FAM107B: variants seen among roughly 807,000 people sequenced by gnomAD.
FAM107B encodes the protein protein FAM107B.
A neutral mutation model predicts 31.5 loss-of-function variants in FAM107B; 21 were observed. The observed-to-expected ratio is 0.67, with a 90% CI of 0.47 to 0.96. The LOEUF is 0.96. Among genes scored for constraint, FAM107B ranks in the 40% least tolerant of loss-of-function variants. The pLI is 0.00. For missense variants in FAM107B, 452 were observed against 377.1 expected (o/e 1.20, Z -1.64); for synonymous variants, 157 against 141.5 (o/e 1.11, Z -0.78).
intron 1 of FAM107B, among the ~76,000 whole-genome samples, chr10:14,680,097 AAC>A (rs994059000): frequency 1.3e-4 from 20 of 152,302 alleles, no homozygotes; most frequent in African/African-American, 4.8e-4. Context: ...AACCCTGACT[AAC>A]ACAGATTTCG....
At chr10:14,687,259 G>A (rs998138862) in intron 1 of FAM107B, among the ~76,000 whole-genome samples, 1 of 152,144 alleles carries the variant, frequency 6.6e-6, no homozygotes, top group Non-Finnish European at 1.5e-5. Flanking sequence ...ACTTCCCCGG[G>A]CTTCATTTTC....
At chr10:14,527,995 TTTTC>T (rs1349404522) in intron 3 of FAM107B, 1 of 357,984 alleles carries the variant, frequency 2.8e-6, no homozygotes. Flanking sequence ...GAAATCTGCC[TTTTC>T]TTTTTTTTTT....
At chr10:14,595,305 C>T (rs985030250) in intron 2 of FAM107B, among the ~76,000 whole-genome samples, 8 of 151,976 alleles carry the variant, frequency 5.3e-5, no homozygotes, top group South Asian at 4.1e-4. Flanking sequence ...GTATCAATCT[C>T]GCAATGAGAG....
At chr10:14,773,319 G>C (rs1330937029) in intron 1 of FAM107B, among the ~76,000 whole-genome samples, 2 of 152,190 alleles carry the variant, frequency 1.3e-5, no homozygotes, top group Non-Finnish European at 2.9e-5. Flanking sequence ...ATTCTGTGAA[G>C]CAAGCCAGAC....
rs11812660 is a variant in FAM107B, at chr10:14,534,500, T to G, written c.470-3985A>C. On this transcript the variant is annotated intron_variant, in intron 2 of 4. Coordinates refer to ENST00000181796, the MANE Select transcript of FAM107B (RefSeq NM_031453.4). ...AAATACAACTCTGGTATAAGGCAAC[T>G]CTTGCGTCTCACAAATCCTATCTTC... 7.8e-3 allele frequency among the ~76,000 whole-genome samples: 1,185 copies of G among 152,260 alleles called. 16 individuals are homozygous for G. The highest frequency in any genetic ancestry group is 0.027 in the African/African-American group (1,104 of 41,544).
chr10:14,604,360 G>C (rs1354975385), intron 2 of FAM107B: 1 of 572,404 alleles, frequency 1.7e-6, no homozygotes, highest in Non-Finnish European at 2.2e-6. Context: ...CTCCGGGGGC[G>C]GCGGCCCGGC....
At chr10:14,582,375 C>CTTTTTTT (rs71388188) in intron 2 of FAM107B, among the ~76,000 whole-genome samples, 2,155 of 111,736 alleles carry the variant, frequency 0.019, 10 homozygotes, top group Non-Finnish European at 0.025. Flanking sequence ...TTTTTCTTTT[C>CTTTTTTT]TTTTTTTTTT....
intron 1 of FAM107B, among the ~76,000 whole-genome samples, chr10:14,760,882 C>T (rs78430076): frequency 2.3e-3 from 344 of 151,938 alleles, no homozygotes; most frequent in African/African-American, 8.0e-3. Context: ...CATGGTGGCA[C>T]ATGCTTGTAA....
At chr10:14,712,673 G>C (rs1305983599) in intron 1 of FAM107B, among the ~76,000 whole-genome samples, 1 of 151,934 alleles carries the variant, frequency 6.6e-6, no homozygotes, top group Non-Finnish European at 1.5e-5. Flanking sequence ...GAGCTTTGAT[G>C]CAGTAATTCT....
chr10:14,677,607 C>T (rs568522770), intron 1 of FAM107B, among the ~76,000 whole-genome samples: 61 of 151,506 alleles, frequency 4.0e-4, no homozygotes, highest in African/African-American at 1.3e-3. Flanking sequence ...GGCGACAGAG[C>T]GAGACTCCGT....
chr10:14,674,708 C>T (rs1239679541), intron 1 of FAM107B, among the ~76,000 whole-genome samples: 2 of 152,158 alleles, frequency 1.3e-5, no homozygotes, highest in African/African-American at 4.8e-5. Flanking sequence ...TTTGTAAACT[C>T]CTTCCAAGGG....
intron 1 of FAM107B, among the ~76,000 whole-genome samples, chr10:14,729,695 C>A (rs1022414846): frequency 6.6e-6 from 1 of 152,094 alleles, no homozygotes; most frequent in Admixed American, 6.5e-5. Context: ...TGGGTATATA[C>A]CCAAAAGATT....
intron 2 of FAM107B, among the ~76,000 whole-genome samples, chr10:14,637,246 G>A (rs1853523558): frequency 1.3e-5 from 2 of 152,074 alleles, no homozygotes; most frequent in South Asian, 4.1e-4. Context: ...TCTGATTTTT[G>A]GGGTGGCCCC....
intron 1 of FAM107B, among the ~76,000 whole-genome samples, chr10:14,729,436 G>A (rs1432724285): frequency 6.6e-6 from 1 of 152,218 alleles, no homozygotes; most frequent in Non-Finnish European, 1.5e-5. Context: ...GTCCTGGGCA[G>A]TGGGAATGCT....
At chr10:14,641,952 T>C (rs1853639159) in intron 2 of FAM107B, among the ~76,000 whole-genome samples, 1 of 152,210 alleles carries the variant, frequency 6.6e-6, no homozygotes, top group African/African-American at 2.4e-5. Context: ...TTAAATATCA[T>C]CTAAATCAGA....
intron 2 of FAM107B, among the ~76,000 whole-genome samples, chr10:14,578,939 C>G (rs1851547536): frequency 6.6e-6 from 1 of 152,108 alleles, no homozygotes. Context: ...TGTTTTCGTT[C>G]AAACGCAAGC....
intron 2 of FAM107B, among the ~76,000 whole-genome samples, chr10:14,579,167 T>G (rs930528750): frequency 6.6e-6 from 1 of 152,216 alleles, no homozygotes; most frequent in Non-Finnish European, 1.5e-5. Flanking sequence ...CTGAAATAAT[T>G]ACCAATTTGA....
chr10:14,596,912 G>A (rs1852206489), intron 2 of FAM107B, among the ~76,000 whole-genome samples: 1 of 152,190 alleles, frequency 6.6e-6, no homozygotes, highest in Admixed American at 6.5e-5. Flanking sequence ...GTAGGTGAGT[G>A]TGACTATTTC....
intron 2 of FAM107B, among the ~76,000 whole-genome samples, chr10:14,594,243 G>A (rs1018572701): frequency 6.6e-6 from 1 of 152,100 alleles, no homozygotes; most frequent in African/African-American, 2.4e-5. Flanking sequence ...AGCCAGGCAC[G>A]GTGGCTCACA....
Sources: allele counts gnomAD v4.1 joint callset (sites outside exome capture counted in the v4.1 genomes callset), GRCh38; gene constraint gnomAD v4.1.1; transcripts MANE v1.5; gene names NCBI Gene and HGNC (gene_info 2026-07-23, HGNC 2026-07-21).